SV2B: variants seen among roughly 807,000 people sequenced by gnomAD.
The protein encoded by SV2B is solute carrier family 22 member B2.
Under a neutral mutation model 73.9 loss-of-function variants are expected in SV2B, and 41 were observed. That is an observed-to-expected ratio of 0.56 (90% confidence interval 0.43 to 0.72). The LOEUF (loss-of-function observed/expected upper bound fraction) is 0.72, where lower values mean the gene tolerates loss of function less well. Ranked by LOEUF, SV2B falls within the 30% of genes least tolerant of loss-of-function variation. The probability of loss-of-function intolerance (pLI) is 0.00; values close to 1 mark genes in which losing one functional copy is unlikely to be tolerated. For missense variants in SV2B, 764 were observed against 857.8 expected (o/e 0.89, Z 1.37); for synonymous variants, 314 against 314.2 (o/e 1.00, Z 0.01).
intron 5 of SV2B, among the ~76,000 whole-genome samples, chr15:91,259,935 A>C (rs918236077): frequency 6.6e-6 from 1 of 152,142 alleles, no homozygotes; most frequent in African/African-American, 2.4e-5. Context: ...GCACTTCACC[A>C]TATCTTTTTT....
chr15:91,190,046 C>T (rs1462117151), intron 1 of SV2B, among the ~76,000 whole-genome samples: 1 of 151,950 alleles, frequency 6.6e-6, no homozygotes, highest in Non-Finnish European at 1.5e-5. Context: ...GATTTTATTG[C>T]TATTTTGTTT....
At chr15:91,243,365 G>A (rs2047098008) in intron 2 of SV2B, among the ~76,000 whole-genome samples, 1 of 152,174 alleles carries the variant, frequency 6.6e-6, no homozygotes, top group South Asian at 2.1e-4. Context: ...CTCTAGTGTG[G>A]TGGTATGTGA....
Position 91,226,408 on chromosome 15 carries a change from G to A in SV2B, c.145G>A (p.Glu49Lys), listed in dbSNP as rs1266462251. 5 of 1,614,188 alleles carry A rather than the reference G, an allele frequency of 3.1e-6. No homozygotes were observed. The highest frequency in any genetic ancestry group is 1.7e-5 in the Admixed American group (1 of 60,036). ...HDEEDEIYEG[E>K]YQGIPHPDDV... ...TGAGGAAGACGAGATCTATGAGGGC[G>A]AGTACCAGGGTATCCCTCACCCAGA... is the stretch of plus-strand genomic sequence containing the variant. Residue 49 changes from glutamate to lysine, a missense_variant, in exon 2 of 13, where the codon GAG becomes AAG. Glu to Lys is a moderately conservative substitution (Grantham distance 56). Coordinates refer to ENST00000394232, the MANE Select transcript of SV2B (RefSeq NM_001323032.3).
In SV2B at chr15:91,156,936, A is replaced by C. The variant is rs1339858701; in HGVS notation, c.-392+56573A>C. ...CGTAAAGTGTCGGGACAGATGCTTTATTCAGAAAGTAAAGCCTCAGATAAA... is the reference window on the plus strand; with the variant it reads ...CGTAAAGTGTCGGGACAGATGCTTTCTTCAGAAAGTAAAGCCTCAGATAAA... On this transcript the variant is annotated intron_variant, in intron 1 of 12. Transcript: ENST00000394232. 2.0e-5 allele frequency among the ~76,000 whole-genome samples: 3 copies of C among 152,196 alleles called. No homozygotes were observed. In the East Asian group the frequency reaches 5.8e-4, roughly 29 times the overall value.
Position 91,301,320 on chromosome 15 carries a change from C to T in SV2B, c.*8768C>T, listed in dbSNP as rs758997158. On this transcript the variant is annotated 3_prime_UTR_variant, in exon 13 of 13. Coordinates refer to ENST00000394232, the MANE Select transcript of SV2B (RefSeq NM_001323032.3). The surrounding 1 kb of genome is among the most constrained non-coding windows in gnomAD (Gnocchi z 4.3). ...AACTGACAAAACCCACTTTTGGTCT[C>T]TCTTCATATTTTTCGTGGTTTCATT... is the stretch of plus-strand genomic sequence containing the variant. 6.6e-6 allele frequency: 1 copy of T among 152,170 alleles called. No individual in the cohort carries two copies. Among genetic ancestry groups the T allele is most frequent in the Non-Finnish European group, 1.5e-5 (1 of 68,042 alleles). The allele number at this position is 152,170 out of a possible 1,614,324, so 9.4% of individuals were successfully genotyped here.
In SV2B at chr15:91,289,832, T is replaced by G; in HGVS notation, c.1868+152T>G. The G allele has an allele frequency of 1.0e-6, 1 of 969,828 alleles. No individual in the cohort carries two copies. The highest frequency in any genetic ancestry group is 1.5e-6 in the Non-Finnish European group (1 of 670,684). The allele number at this position is 969,828 out of a possible 1,614,324, so 60.1% of individuals were successfully genotyped here. A position where few individuals can be genotyped will look rare whatever the true frequency, so the allele number is the denominator to read the frequency against. On this transcript the variant is annotated intron_variant, in intron 12 of 12. Transcript: ENST00000394232. The surrounding 1 kb of genome is among the most constrained non-coding windows in gnomAD (Gnocchi z 4.9). Reference sequence around the variant, plus strand: ...TCTTTTATGTTGAGCTTCTCCTGCATGGTGGATGGCATAGACCTGAAAGTT... The same window carrying G: ...TCTTTTATGTTGAGCTTCTCCTGCAGGGTGGATGGCATAGACCTGAAAGTT...
chr15:91,248,408 T>A (rs1016491071), intron 2 of SV2B, among the ~76,000 whole-genome samples: 4 of 152,228 alleles, frequency 2.6e-5, no homozygotes, highest in Non-Finnish European at 1.5e-5. Context: ...AATCTGCATA[T>A]CTTCTTCCTT....
At chr15:91,157,069 G>A (rs904559317) in intron 1 of SV2B, among the ~76,000 whole-genome samples, 20 of 152,206 alleles carry the variant, frequency 1.3e-4, no homozygotes, top group Admixed American at 5.9e-4. Context: ...GGCCCTGTGC[G>A]TATCAAACAC....
In SV2B at chr15:91,245,165, T is replaced by C. The variant is rs1596673454; in HGVS notation, c.452-6654T>C. ...TCTGTGTGAAAAGCATCTCTAAAGC[T>C]GAGAAGAGGTTTCTGATATCTGCCA... On this transcript the variant is annotated intron_variant, in intron 2 of 12. Transcript: ENST00000394232. The surrounding 1 kb of genome is among the most constrained non-coding windows in gnomAD (Gnocchi z 4.2). 1.3e-5 allele frequency among the ~76,000 whole-genome samples: 2 copies of C among 152,320 alleles called. No individual in the cohort carries two copies. The highest frequency in any genetic ancestry group is 6.5e-5 in the Admixed American group (1 of 15,296).
intron 2 of SV2B, among the ~76,000 whole-genome samples, chr15:91,251,297 C>G (rs1056971720): frequency 5.3e-5 from 8 of 152,192 alleles, no homozygotes; most frequent in African/African-American, 1.9e-4. Flanking sequence ...TACAAATATA[C>G]TACATTTCCT....
At position 91,121,534 on chromosome 15, in the gene SV2B, C is replaced by A. The variant is rs1468224068; in HGVS notation, c.-392+21171C>A. 6.6e-6 allele frequency among the ~76,000 whole-genome samples: 1 copy of A among 151,446 alleles called. No individual in the cohort carries two copies. The highest frequency in any genetic ancestry group is 1.5e-5 in the Non-Finnish European group (1 of 67,910). On this transcript the variant is annotated intron_variant, in intron 1 of 12. Coordinates refer to ENST00000394232, the MANE Select transcript of SV2B (RefSeq NM_001323032.3). This position sits in a 1 kb window ranked among gnomAD's most constrained non-coding sequence, Gnocchi z 4.4. ...TGTCTATTATGTCATTATTTTTTACCTTTTTATATTTTTTTCTTTTCTGTC... is the reference window on the plus strand; with the variant it reads ...TGTCTATTATGTCATTATTTTTTACATTTTTATATTTTTTTCTTTTCTGTC...
Position 91,123,971 on chromosome 15 carries a change from G to A in SV2B, c.-392+23608G>A, listed in dbSNP as rs2042406937. Among the ~76,000 whole-genome samples the A allele has an allele frequency of 1.3e-5, 2 of 152,116 alleles. No individual in the cohort carries two copies. The highest frequency in any genetic ancestry group is 6.5e-5 in the Admixed American group (1 of 15,276). Reference sequence around the variant, plus strand: ...GTTGCCCAGAGAGGTGCCTTGAAGAGGTACCTAGAGAAAATATTCAGCTTG... The same window carrying A: ...GTTGCCCAGAGAGGTGCCTTGAAGAAGTACCTAGAGAAAATATTCAGCTTG... On this transcript the variant is annotated intron_variant, in intron 1 of 12. Transcript: ENST00000394232. This position sits in a 1 kb window ranked among gnomAD's most constrained non-coding sequence, Gnocchi z 4.7.
At chr15:91,182,390 T>C (rs76438353) in intron 1 of SV2B, among the ~76,000 whole-genome samples, 2,065 of 152,342 alleles carry the variant, frequency 0.014, 54 homozygotes, top group African/African-American at 0.046. Context: ...AATGCACGCA[T>C]GCATGAATAA....
intron 9 of SV2B, among the ~76,000 whole-genome samples, chr15:91,270,947 T>A (rs1335462808): frequency 1.3e-5 from 2 of 148,640 alleles, no homozygotes; most frequent in African/African-American, 2.5e-5. Context: ...CTGTGGACGA[T>A]GGGAGGACGG....
intron 1 of SV2B, among the ~76,000 whole-genome samples, chr15:91,143,625 G>A (rs555150081): frequency 1.3e-5 from 2 of 151,086 alleles, no homozygotes; most frequent in Non-Finnish European, 3.0e-5. Flanking sequence ...CCCAGAAAAC[G>A]CAGCATTCTT....
At chr15:91,291,177 A>G (rs2141811432) in intron 12 of SV2B, among the ~76,000 whole-genome samples, 1 of 150,756 alleles carries the variant, frequency 6.6e-6, no homozygotes, top group Non-Finnish European at 1.5e-5. Flanking sequence ...AAAAACGTCA[A>G]TTTTTATTTA....
chr15:91,252,976 C>T lies in SV2B; in HGVS notation c.784+456C>T, dbSNP rs2047549470. On this transcript the variant is annotated intron_variant, in intron 4 of 12. Coordinates refer to ENST00000394232, the MANE Select transcript of SV2B (RefSeq NM_001323032.3). The surrounding 1 kb of genome is among the most constrained non-coding windows in gnomAD (Gnocchi z 4.6). ...GAGTGGGGGCTGGAGTCCTGATGTC[C>T]CCTCAGGTGCAGTAGGCTTGTACTC... is the stretch of plus-strand genomic sequence containing the variant. 6.6e-6 allele frequency among the ~76,000 whole-genome samples: 1 copy of T among 152,134 alleles called. No individual in the cohort carries two copies. Among genetic ancestry groups the T allele is most frequent in the Non-Finnish European group, 1.5e-5 (1 of 68,024 alleles).
At position 91,224,692 on chromosome 15, in the gene SV2B, A is replaced by C. The variant is rs1238584659; in HGVS notation, c.-391-1181A>C. ...TTGATCGCGTTACTAACCCACTCGG[A>C]GACAGTTTGATTATCTCTCAAATGA... On this transcript the variant is annotated intron_variant, in intron 1 of 12. Coordinates refer to ENST00000394232, the MANE Select transcript of SV2B (RefSeq NM_001323032.3). The surrounding 1 kb of genome is among the most constrained non-coding windows in gnomAD (Gnocchi z 4.9). Among the ~76,000 whole-genome samples, 6 of 152,154 alleles carry C rather than the reference A, an allele frequency of 3.9e-5. No homozygotes were observed. Among genetic ancestry groups the C allele is most frequent in the Non-Finnish European group, 8.8e-5 (6 of 68,034 alleles).
At chr15:91,269,919 CAG>C (rs1482452030) in intron 9 of SV2B, among the ~76,000 whole-genome samples, 2 of 152,142 alleles carry the variant, frequency 1.3e-5, no homozygotes, top group South Asian at 4.2e-4. Flanking sequence ...AGAGACAGTT[CAG>C]AGTCATTATC....
Sources: gnomAD v4.1 joint callset for allele counts (sites outside exome capture counted in the v4.1 genomes callset) on GRCh38, gnomAD v4.1.1 for gene constraint, Gnocchi (gnomAD v3.1) non-coding constraint, MANE v1.5 for transcripts, NCBI Gene and HGNC (gene_info 2026-07-23, HGNC 2026-07-21) for gene names.